The following TNFSF4 variants were observed in gnomAD, a reference collection of about 807,000 sequenced individuals.
TNFSF4 encodes tumor necrosis factor ligand superfamily member 4.
In TNFSF4, 4 loss-of-function variants were observed where a neutral mutation model predicts 7.3. The ratio of observed to expected loss-of-function variants is 0.55; its 90% CI spans 0.27 to 1.25. The LOEUF (loss-of-function observed/expected upper bound fraction) is 1.25, where lower values mean the gene tolerates loss of function less well. Among genes scored for constraint, TNFSF4 ranks in the 50% most tolerant of loss-of-function variants. The pLI is 0.12. For synonymous variants in TNFSF4, 76 were observed against 83.7 expected (o/e 0.91, Z 0.50); for missense variants, 181 against 208.8 (o/e 0.87, Z 0.82).
chr1:173,373,375 A>T, the TNFSF4 span, among the ~76,000 whole-genome samples: 2 of 152,070 alleles, frequency 1.3e-5, no homozygotes, highest in Non-Finnish European at 2.9e-5. Flanking sequence ...GTATGGAACA[A>T]CCCCCTCCAA....
chr1:173,435,631 C>T, the TNFSF4 span, among the ~76,000 whole-genome samples: 2 of 152,358 alleles, frequency 1.3e-5, no homozygotes, highest in African/African-American at 4.8e-5. Context: ...TTGTTTAAAA[C>T]ACCTTGTCTA....
chr1:173,336,861 A>G, the TNFSF4 span, among the ~76,000 whole-genome samples: 2 of 152,066 alleles, frequency 1.3e-5, no homozygotes, highest in East Asian at 3.9e-4. Flanking sequence ...AAGGTCAGTC[A>G]TGGCATCTAG....
the TNFSF4 span, among the ~76,000 whole-genome samples, chr1:173,371,286 T>C: frequency 3.3e-4 from 51 of 152,308 alleles, no homozygotes; most frequent in African/African-American, 1.2e-3. Flanking sequence ...ATTGACAGAC[T>C]TTGCTTTTTT....
At chr1:173,272,756 C>A in the TNFSF4 span, among the ~76,000 whole-genome samples, 1 of 152,178 alleles carries the variant, frequency 6.6e-6, no homozygotes, top group East Asian at 1.9e-4. Flanking sequence ...GCCCTGTCTG[C>A]AAACTGGACC....
At chr1:173,381,179 A>G in the TNFSF4 span, among the ~76,000 whole-genome samples, 1 of 152,216 alleles carries the variant, frequency 6.6e-6, no homozygotes, top group African/African-American at 2.4e-5. Context: ...AATGAAATCT[A>G]TCCTTACTCT....
the TNFSF4 span, among the ~76,000 whole-genome samples, chr1:173,327,261 T>C: frequency 6.6e-6 from 1 of 152,164 alleles, no homozygotes; most frequent in African/African-American, 2.4e-5. Context: ...AAACAAGCAA[T>C]GGGGAAAGGA....
chr1:173,255,656 T>C, the TNFSF4 span, among the ~76,000 whole-genome samples: 1 of 152,246 alleles, frequency 6.6e-6, no homozygotes, highest in Admixed American at 6.5e-5. Context: ...GTTGACTAGT[T>C]AGACACATAC....
the TNFSF4 span, among the ~76,000 whole-genome samples, chr1:173,373,181 C>T: frequency 6.6e-6 from 1 of 152,138 alleles, no homozygotes; most frequent in Non-Finnish European, 1.5e-5. Context: ...CCAATAAATA[C>T]CACAAGAAAA....
At chr1:173,258,348 G>C in the TNFSF4 span, among the ~76,000 whole-genome samples, 1 of 152,068 alleles carries the variant, frequency 6.6e-6, no homozygotes, top group Non-Finnish European at 1.5e-5. Context: ...AAGCAGGGTG[G>C]AAAAATGGCC....
the TNFSF4 span, among the ~76,000 whole-genome samples, chr1:173,261,539 A>G: frequency 2.0e-5 from 3 of 152,164 alleles, no homozygotes; most frequent in African/African-American, 7.2e-5. Context: ...TGAAACCAGC[A>G]GCTGGTTTTT....
chr1:173,305,865 C>G, the TNFSF4 span, among the ~76,000 whole-genome samples: 1 of 151,818 alleles, frequency 6.6e-6, no homozygotes, highest in South Asian at 2.1e-4. Context: ...CCAGTCACCT[C>G]CTTCCCTCCA....
the TNFSF4 span, among the ~76,000 whole-genome samples, chr1:173,344,183 G>A: frequency 1.3e-5 from 2 of 152,100 alleles, no homozygotes; most frequent in African/African-American, 4.8e-5. Flanking sequence ...TAGAATACCA[G>A]CACGAGACCA....
the TNFSF4 span, among the ~76,000 whole-genome samples, chr1:173,221,733 T>A: frequency 1.3e-5 from 2 of 152,212 alleles, no homozygotes; most frequent in Non-Finnish European, 2.9e-5. Context: ...TTACTCATTT[T>A]ATAGACAAGG....
the TNFSF4 span, among the ~76,000 whole-genome samples, chr1:173,397,517 A>G: frequency 2.0e-5 from 3 of 152,208 alleles, no homozygotes; most frequent in African/African-American, 7.2e-5. Context: ...TATGAAAGTC[A>G]GGTGATCAGT....
At chr1:173,370,019 C>G in the TNFSF4 span, among the ~76,000 whole-genome samples, 1 of 152,064 alleles carries the variant, frequency 6.6e-6, no homozygotes, top group African/African-American at 2.4e-5. Context: ...CAAGGGACCA[C>G]AGAAAACCCT....
chr1:173,431,895 A>G, the TNFSF4 span, among the ~76,000 whole-genome samples: 2 of 152,226 alleles, frequency 1.3e-5, no homozygotes, highest in Admixed American at 6.5e-5. Flanking sequence ...TATCATGAAC[A>G]CAGGCTGGTG....
At chr1:173,189,011 C>T (rs1042997639) in intron 1 of TNFSF4, among the ~76,000 whole-genome samples, 1 of 152,150 alleles carries the variant, frequency 6.6e-6, no homozygotes, top group South Asian at 2.1e-4. Flanking sequence ...AGGCATGAGT[C>T]GCCATGCCCG....
At chr1:173,382,547 G>A in the TNFSF4 span, among the ~76,000 whole-genome samples, 1,983 of 152,292 alleles carry the variant, frequency 0.013, 45 homozygotes, top group African/African-American at 0.045. Flanking sequence ...CGTTCTGCAC[G>A]TGTATCCCAG....
At chr1:173,283,299 C>A in the TNFSF4 span, among the ~76,000 whole-genome samples, 128 of 152,062 alleles carry the variant, frequency 8.4e-4, no homozygotes, top group African/African-American at 2.6e-3. Flanking sequence ...TTTCCCCCCC[C>A]AAAAAAGAGA....
Sources: gnomAD v4.1 joint callset for allele counts (sites outside exome capture counted in the v4.1 genomes callset) on GRCh38, gnomAD v4.1.1 for gene constraint, MANE v1.5 for transcripts, NCBI Gene and HGNC (gene_info 2026-07-23, HGNC 2026-07-21) for gene names.